Variants in PCDH15 observed in about 807,000 individuals in gnomAD.
The protein encoded by PCDH15 is protocadherin-15.
Under a neutral mutation model 178.5 loss-of-function variants are expected in PCDH15, and 129 were observed. The ratio of observed to expected loss-of-function variants is 0.72; its 90% confidence interval spans 0.63 to 0.84. The LOEUF (loss-of-function observed/expected upper bound fraction) is 0.84. Among genes scored for constraint, PCDH15 ranks in the 40% least tolerant of loss-of-function variants. The pLI is 0.00. For missense variants in PCDH15, 2,230 were observed against 2,099.9 expected, an observed-to-expected ratio of 1.06 and a Z score of -1.21; for synonymous variants, 800 against 732.0, an observed-to-expected ratio of 1.09 and a Z score of -1.50.
chr10:54,314,211 T>C (rs1167480943), intron 8 of PCDH15, among the ~76,000 whole-genome samples: 2 of 152,018 alleles, frequency 1.3e-5, no homozygotes, highest in African/African-American at 4.8e-5. Context: ...AAAAAGATTA[T>C]TATCAAGTAT....
chr10:55,137,332 T>C (rs1367823247), intron 2 of PCDH15, among the ~76,000 whole-genome samples: 1 of 152,164 alleles, frequency 6.6e-6, no homozygotes, highest in Non-Finnish European at 1.5e-5. Context: ...GTGTTACAAT[T>C]ACCTCAAATA....
chr10:55,151,879 G>A (rs1013648290), intron 2 of PCDH15, among the ~76,000 whole-genome samples: 6 of 151,892 alleles, frequency 4.0e-5, no homozygotes, highest in East Asian at 1.9e-4. Flanking sequence ...AAGAATACCA[G>A]GTGATAAGGA....
In PCDH15 at chr10:53,811,604, A is replaced by T. The variant is rs775334226; in HGVS notation, c.4507T>A (p.Ser1503Thr). 1 of 1,564,826 alleles carries T rather than the reference A, an allele frequency of 6.4e-7. No individual in the cohort carries two copies. The highest frequency in any genetic ancestry group is 1.8e-5 in the Admixed American group (1 of 56,148). ...LLKPEELSME[S>T]GIDPGQEYGQ... ...TATTCCTGGCCAGGATCAATTCCAGACTCCATGGATAATTCCTATTGTTCA... is the reference window on the plus strand; with the variant it reads ...TATTCCTGGCCAGGATCAATTCCAGTCTCCATGGATAATTCCTATTGTTCA... The change falls in exon 36 of 38, where the codon TCT becomes ACT. Residue 1503 changes from serine (S) to threonine (T), a missense_variant. By Grantham distance (58) the Ser-to-Thr change is moderately conservative. Coordinates refer to ENST00000644397, the MANE Select transcript of PCDH15 (RefSeq NM_001384140.1).
At chr10:54,584,934 CGAT>C (rs1369769571) in intron 2 of PCDH15, among the ~76,000 whole-genome samples, 1 of 151,988 alleles carries the variant, frequency 6.6e-6, no homozygotes, top group Non-Finnish European at 1.5e-5. Context: ...ATGTCAGGAA[CGAT>C]GATAAGAATA....
chr10:55,300,485 A>G (rs1843245468), intron 1 of PCDH15, among the ~76,000 whole-genome samples: 1 of 152,200 alleles, frequency 6.6e-6, no homozygotes. Flanking sequence ...ATACCTCTCT[A>G]CATGTCACAA....
intron 18 of PCDH15, among the ~76,000 whole-genome samples, chr10:54,029,448 A>G (rs2093225797): frequency 6.6e-6 from 1 of 152,158 alleles, no homozygotes; most frequent in East Asian, 1.9e-4. Flanking sequence ...TGTAATATAC[A>G]CCTTACTATG....
chr10:55,435,330 T>C (rs1839013274), intron 2 of PCDH15, among the ~76,000 whole-genome samples: 2 of 152,206 alleles, frequency 1.3e-5, no homozygotes, highest in Non-Finnish European at 2.9e-5. Flanking sequence ...GAATATTAAC[T>C]ATTATTTTTA....
chr10:54,588,111 C>T (rs777541359), intron 2 of PCDH15, among the ~76,000 whole-genome samples: 32 of 152,042 alleles, frequency 2.1e-4, no homozygotes, highest in African/African-American at 7.2e-4. Context: ...CCATGTAAAG[C>T]GAGAAGTGTG....
intron 1 of PCDH15, among the ~76,000 whole-genome samples, chr10:55,216,902 T>C (rs890467005): frequency 1.3e-5 from 2 of 151,884 alleles, no homozygotes; most frequent in African/African-American, 2.4e-5. Flanking sequence ...TAAGTAAAGC[T>C]TGGTTTATTT....
intron 4 of PCDH15, among the ~76,000 whole-genome samples, chr10:54,376,483 T>C (rs1352243611): frequency 6.6e-6 from 1 of 151,000 alleles, no homozygotes; most frequent in South Asian, 2.1e-4. Flanking sequence ...TCATTAATAC[T>C]GGAGAGCATA....
At chr10:54,869,613 T>C (rs1953999580) in intron 3 of PCDH15, among the ~76,000 whole-genome samples, 1 of 152,184 alleles carries the variant, frequency 6.6e-6, no homozygotes, top group Non-Finnish European at 1.5e-5. Context: ...AATTTCCTCA[T>C]GTAAAATGAG....
chr10:55,003,663 A>C (rs1245602043), intron 2 of PCDH15, among the ~76,000 whole-genome samples: 3 of 152,180 alleles, frequency 2.0e-5, no homozygotes, highest in Non-Finnish European at 4.4e-5. Context: ...ATAGGACACA[A>C]TTGTAGGAAC....
intron 2 of PCDH15, among the ~76,000 whole-genome samples, chr10:55,374,382 T>C (rs1477109221): frequency 1.3e-5 from 2 of 152,124 alleles, no homozygotes; most frequent in Non-Finnish European, 2.9e-5. Flanking sequence ...CTGTTTTTTC[T>C]CTATGTGTGT....
At chr10:54,237,463 G>A (rs2054753910) in intron 8 of PCDH15, among the ~76,000 whole-genome samples, 1 of 152,056 alleles carries the variant, frequency 6.6e-6, no homozygotes, top group Non-Finnish European at 1.5e-5. Context: ...GTATTTACAT[G>A]TATTTTACAA....
At chr10:54,692,691 A>ATAACTCCAAACATCCCTAATTGAG (rs1555152850) in intron 1 of PCDH15, among the ~76,000 whole-genome samples, 2 of 147,266 alleles carry the variant, frequency 1.4e-5, no homozygotes, top group Non-Finnish European at 3.0e-5. Context: ...TTAAAAGCGA[A>ATAACTCCAAACATCCCTAATTGAG]TAACTCCAAA....
intron 18 of PCDH15, among the ~76,000 whole-genome samples, chr10:54,060,042 A>G (rs1274560645): frequency 6.6e-6 from 1 of 152,242 alleles, no homozygotes. Flanking sequence ...GATCGCAACC[A>G]TGAGCTCTAT....
At position 55,258,779 on chromosome 10, in the gene PCDH15, T is replaced by A. The variant is rs796081094; in HGVS notation, c.-156+60820A>T. ...TCTGCTTTTTTTTTTTTTTTTTTTTTAATAAACAGATATTGACCTTTCTGG... is the reference window on the plus strand; with the variant it reads ...TCTGCTTTTTTTTTTTTTTTTTTTTAAATAAACAGATATTGACCTTTCTGG... On this transcript the variant is annotated intron_variant, in intron 1 of 5. Coordinates refer to the PCDH15 transcript ENST00000458638. Among the ~76,000 whole-genome samples the A allele has an allele frequency of 3.3e-3, 498 of 149,846 alleles. 3 individuals carry two copies. Among genetic ancestry groups the A allele is most frequent in the African/African-American group, 0.011 (458 of 40,860 alleles).
At chr10:54,296,250 G>A (rs891743309) in intron 8 of PCDH15, among the ~76,000 whole-genome samples, 6 of 151,472 alleles carry the variant, frequency 4.0e-5, no homozygotes, top group East Asian at 1.9e-4. Flanking sequence ...CTGACTCTTC[G>A]GGGTTGGAAG....
intron 9 of PCDH15, 130 bp downstream of exon 9, chr10:54,236,693 T>C: frequency 1.2e-6 from 1 of 812,648 alleles, no homozygotes; most frequent in Non-Finnish European, 2.1e-6. Context: ...TAAAATGTGT[T>C]TATACACAAA....
Sources: gnomAD v4.1 joint callset for allele counts (sites outside exome capture counted in the v4.1 genomes callset) on GRCh38, gnomAD v4.1.1 for gene constraint, MANE v1.5 for transcripts, NCBI Gene and HGNC (gene_info 2026-07-23, HGNC 2026-07-21) for gene names.